Variants in SPATA13 observed in about 807,000 individuals in gnomAD.
SPATA13 encodes the protein spermatogenesis-associated protein 13.
SPATA13 carries 50 observed loss-of-function variants against 104.0 expected under a neutral mutation model. The observed-to-expected ratio is 0.48, with a 90% CI of 0.38 to 0.61. SPATA13 has a LOEUF of 0.61. Among genes scored for constraint, SPATA13 ranks in the 20% least tolerant of loss-of-function variants. The pLI, the probability that SPATA13 is intolerant of heterozygous loss-of-function variation, is 0.00. For synonymous variants in SPATA13, 606 were observed against 667.5 expected, an observed-to-expected ratio of 0.91 and a Z score of 1.42; for missense variants, 1,524 against 1,690.6, an observed-to-expected ratio of 0.90 and a Z score of 1.73.
At chr13:24,123,808 G>C (rs1183240557) in intron 3 of SPATA13, 12 of 945,378 alleles carry the variant, frequency 1.3e-5, no homozygotes, top group Non-Finnish European at 1.7e-5. Flanking sequence ...GAAACTCCTT[G>C]ATTAATAAAA....
At chr13:24,000,793 G>A (rs894939088) in intron 2 of SPATA13, among the ~76,000 whole-genome samples, 1 of 151,840 alleles carries the variant, frequency 6.6e-6, no homozygotes, top group African/African-American at 2.4e-5. Flanking sequence ...CTGGAGAGCT[G>A]TGGGTCAGAG....
intron 3 of SPATA13, chr13:24,122,668 C>T: frequency 9.3e-7 from 1 of 1,081,006 alleles, no homozygotes; most frequent in Non-Finnish European, 1.4e-6. Flanking sequence ...TACTTGGTGA[C>T]AGACAGAAGT....
At chr13:24,185,950 A>G (rs796164270) in intron 1 of SPATA13, among the ~76,000 whole-genome samples, 4 of 152,120 alleles carry the variant, frequency 2.6e-5, no homozygotes, top group African/African-American at 9.7e-5. Context: ...TCTTATGGCA[A>G]TCTTAAGGCC....
At chr13:24,196,088 A>T (rs936199269) in intron 1 of SPATA13, among the ~76,000 whole-genome samples, 4 of 152,210 alleles carry the variant, frequency 2.6e-5, no homozygotes, top group Admixed American at 1.3e-4. Flanking sequence ...TTCAACTAAC[A>T]TGGCAGCAAT....
At chr13:24,156,844 G>A (rs1181289849), upstream of SPATA13, among the ~76,000 whole-genome samples, 2 of 152,234 alleles carry the variant, frequency 1.3e-5, no homozygotes, top group African/African-American at 4.8e-5. Context: ...GAGAGCAGAA[G>A]AGGCTCAGGT....
Position 24,306,769 on chromosome 13 carries a change from T to C in SPATA13, c.*3996T>C, listed in dbSNP as rs1489005888. ...TACTTTTAATCTTTCTAATCTTTTT[T>C]TGTAAATATTAGTGTCCATTCTGTA... On this transcript the variant is annotated 3_prime_UTR_variant, in exon 13 of 13. Transcript: ENST00000382108. 6.6e-6 allele frequency: 1 copy of C among 152,252 alleles called. No individual in the cohort carries two copies. The allele number at this position is 152,252 out of a possible 1,614,324, so 9.4% of individuals were successfully genotyped here. A position where few individuals can be genotyped will look rare whatever the true frequency, so the allele number is the denominator to read the frequency against.
chr13:24,260,464 A>G (rs1385286075), intron 4 of SPATA13, among the ~76,000 whole-genome samples: 1 of 152,158 alleles, frequency 6.6e-6, no homozygotes, highest in East Asian at 1.9e-4. Context: ...CCTCACCGGG[A>G]GTCAAGAGCA....
At chr13:24,183,673 ATTC>A (rs1868953246) in intron 1 of SPATA13, among the ~76,000 whole-genome samples, 6 of 150,836 alleles carry the variant, frequency 4.0e-5, no homozygotes, top group South Asian at 4.2e-4. Context: ...GCCCAAGACA[ATTC>A]TTCTTCTTCC....
chr13:24,208,115 GA>G (rs1870812074), intron 1 of SPATA13, among the ~76,000 whole-genome samples: 1 of 152,200 alleles, frequency 6.6e-6, no homozygotes, highest in Admixed American at 6.5e-5. Context: ...CAACAAATCT[GA>G]GGCTGAAATT....
chr13:23,992,977 C>G (rs899024755), intron 2 of SPATA13, among the ~76,000 whole-genome samples: 3 of 152,232 alleles, frequency 2.0e-5, no homozygotes, highest in African/African-American at 7.2e-5. Flanking sequence ...CAGCTGTGCC[C>G]TGAGAGCTGC....
Position 24,261,751 on chromosome 13 carries a change from G to A in SPATA13, c.2164+9889G>A, listed in dbSNP as rs181815541. On this transcript the variant is annotated intron_variant, in intron 4 of 12. Transcript: ENST00000382108. ...GAGAAAAATACCCACTGGATCCAGT[G>A]GCAGGGAGGAGCTTCGTGCCCTTAA... is the stretch of plus-strand genomic sequence containing the variant. Among the ~76,000 whole-genome samples, 2 of 152,208 alleles carry A rather than the reference G, an allele frequency of 1.3e-5. 1 individual carries two copies. The highest frequency in any genetic ancestry group is 2.9e-5 in the Non-Finnish European group (2 of 68,016).
At chr13:24,077,665 A>G (rs1879380096) in intron 3 of SPATA13, among the ~76,000 whole-genome samples, 1 of 152,196 alleles carries the variant, frequency 6.6e-6, no homozygotes, top group Non-Finnish European at 1.5e-5. Flanking sequence ...ATTTGGATTC[A>G]TATTGGAAGA....
At chr13:24,046,630 G>T (rs1878159350) in intron 3 of SPATA13, among the ~76,000 whole-genome samples, 1 of 151,554 alleles carries the variant, frequency 6.6e-6, no homozygotes, top group Non-Finnish European at 1.5e-5. Flanking sequence ...TTTGTTATTA[G>T]TTCCTGTAGC....
intron 1 of SPATA13, among the ~76,000 whole-genome samples, chr13:24,188,684 T>G (rs917664127): frequency 3.3e-5 from 5 of 152,146 alleles, no homozygotes; most frequent in African/African-American, 9.7e-5. Flanking sequence ...CTAAGATAAT[T>G]GATGAAGATG....
In SPATA13 at chr13:24,020,898, T is replaced by G. The variant is rs763430939; in HGVS notation, c.-112+3197T>G. ...CTCTACTAAAAATACAAAAATTAGCTGGGCATGGTGGTGGGTGCCTATAAT... is the reference window on the plus strand; with the variant it reads ...CTCTACTAAAAATACAAAAATTAGCGGGGCATGGTGGTGGGTGCCTATAAT... On this transcript the variant is annotated intron_variant, in intron 3 of 14. Transcript: ENST00000424834. 3.2e-4 allele frequency among the ~76,000 whole-genome samples: 49 copies of G among 152,166 alleles called. 1 individual carries two copies. Among genetic ancestry groups the G allele is most frequent in the Non-Finnish European group, 5.7e-4 (39 of 67,974 alleles).
intron 3 of SPATA13, among the ~76,000 whole-genome samples, chr13:24,070,692 C>T (rs969407537): frequency 6.6e-6 from 1 of 152,194 alleles, no homozygotes; most frequent in Admixed American, 6.5e-5. Flanking sequence ...AGTCAACTTT[C>T]CTCCCTAATT....
intron 3 of SPATA13, chr13:24,122,304 CA>C: frequency 1.4e-6 from 2 of 1,398,720 alleles, no homozygotes; most frequent in Non-Finnish European, 2.0e-6. Flanking sequence ...TGAAACTATT[CA>C]AACTATCGAT....
In SPATA13 at chr13:24,306,695, T is replaced by C. The variant is rs1221301307; in HGVS notation, c.*3922T>C. ...TTACTTAGCTACAACATACTTTACA[T>C]TGTTGCCTTTAGTTATCTCACAGGC... On this transcript the variant is annotated 3_prime_UTR_variant, in exon 13 of 13. Transcript: ENST00000382108. 1 of 152,258 alleles carries C rather than the reference T, an allele frequency of 6.6e-6. No homozygotes were observed. The highest frequency in any genetic ancestry group is 2.1e-4 in the South Asian group (1 of 4,836). The allele number at this position is 152,258 out of a possible 1,614,324, so 9.4% of individuals were successfully genotyped here. A position where few individuals can be genotyped will look rare whatever the true frequency, so the allele number is the denominator to read the frequency against.
chr13:24,116,226 T>G (rs1452501312), intron 3 of SPATA13, among the ~76,000 whole-genome samples: 1 of 152,256 alleles, frequency 6.6e-6, no homozygotes, highest in Admixed American at 6.5e-5. Context: ...CTGCTTTTCA[T>G]GGATTGCATC....
Sources: gnomAD v4.1 joint callset for allele counts (sites outside exome capture counted in the v4.1 genomes callset) on GRCh38, gnomAD v4.1.1 for gene constraint, MANE v1.5 for transcripts, NCBI Gene and HGNC (gene_info 2026-07-23, HGNC 2026-07-21) for gene names.